Variants in PDE4D observed in about 807,000 individuals in gnomAD.
The protein encoded by PDE4D is phosphodiesterase 4D.
A neutral mutation model predicts 87.4 loss-of-function variants in PDE4D; 24 were observed. The ratio of observed to expected loss-of-function variants is 0.27; its 90% CI spans 0.20 to 0.39. The LOEUF is 0.39. PDE4D is among the 10% of genes least tolerant of loss of function. The probability of loss-of-function intolerance (pLI) is 1.00; values close to 1 mark genes in which losing one functional copy is unlikely to be tolerated. For synonymous variants in PDE4D, 384 were observed against 383.2 expected, an observed-to-expected ratio of 1.00 and a Z score of -0.02; for missense variants, 714 against 1,041.0, an observed-to-expected ratio of 0.69 and a Z score of 4.32.
At chr5:60,196,627 C>G (rs16877628) in intron 1 of PDE4D, among the ~76,000 whole-genome samples, 8,411 of 151,438 alleles carry the variant, frequency 0.056, 481 homozygotes, top group East Asian at 0.18. Context: ...GATGTGTCAT[C>G]ATCAGCTTGA....
chr5:60,235,613 A>G (rs2149639911), intron 1 of PDE4D, among the ~76,000 whole-genome samples: 1 of 151,904 alleles, frequency 6.6e-6, no homozygotes, highest in South Asian at 2.1e-4. Context: ...AAAAGACTCC[A>G]GGGGTCTCCT....
At chr5:59,045,956 C>CAT (rs1408975421) in intron 5 of PDE4D, among the ~76,000 whole-genome samples, 1 of 152,190 alleles carries the variant, frequency 6.6e-6, no homozygotes, top group Non-Finnish European at 1.5e-5. Flanking sequence ...CCTACGCAGA[C>CAT]ATATGTTCCC....
chr5:60,211,772 G>A (rs1000253026), intron 1 of PDE4D, among the ~76,000 whole-genome samples: 1 of 151,920 alleles, frequency 6.6e-6, no homozygotes, highest in Non-Finnish European at 1.5e-5. Flanking sequence ...CCTCATTTTC[G>A]TGGTTTATTT....
chr5:59,040,408 G>A (rs929959819), intron 5 of PDE4D, among the ~76,000 whole-genome samples: 1 of 152,214 alleles, frequency 6.6e-6, no homozygotes, highest in Non-Finnish European at 1.5e-5. Flanking sequence ...ATTTACGCAT[G>A]TCCTGCATAC....
At chr5:59,904,420 G>T (rs528495259) in intron 3 of PDE4D, among the ~76,000 whole-genome samples, 34 of 152,206 alleles carry the variant, frequency 2.2e-4, no homozygotes, top group African/African-American at 8.2e-4. Flanking sequence ...GCCATTTTAG[G>T]ATTAGCCATC....
intron 1 of PDE4D, among the ~76,000 whole-genome samples, chr5:59,609,789 C>T (rs1036680602): frequency 2.0e-5 from 3 of 152,132 alleles, no homozygotes; most frequent in African/African-American, 7.2e-5. Context: ...ATGAATAACC[C>T]GAACCTCAGC....
intron 1 of PDE4D, among the ~76,000 whole-genome samples, chr5:60,357,214 G>A (rs769998414): frequency 6.6e-6 from 1 of 151,426 alleles, no homozygotes; most frequent in South Asian, 2.1e-4. Context: ...CACAGGTTAG[G>A]TGAGGCCCCA....
intron 1 of PDE4D, among the ~76,000 whole-genome samples, chr5:60,232,249 C>T (rs1207400114): frequency 6.6e-6 from 1 of 151,904 alleles, no homozygotes; most frequent in East Asian, 1.9e-4. Context: ...TGCTTTAAAA[C>T]AGCAGCAGAT....
intron 1 of PDE4D, among the ~76,000 whole-genome samples, chr5:60,305,038 TACAC>T (rs35539982): frequency 0.017 from 2,345 of 135,880 alleles, 67 homozygotes; most frequent in East Asian, 0.14. Flanking sequence ...TTTTGAGCTA[TACAC>T]ACACACACAC....
chr5:58,980,107 A>C (rs973267005), intron 11 of PDE4D, among the ~76,000 whole-genome samples: 1 of 152,194 alleles, frequency 6.6e-6, no homozygotes, highest in Admixed American at 6.5e-5. Context: ...TTTTAAGGCT[A>C]TGTTCCATTC....
At position 60,094,930 on chromosome 5, in the gene PDE4D, C is replaced by T. The variant is rs139381502; in HGVS notation, c.42+90627G>A. On this transcript the variant is annotated intron_variant, in intron 2 of 16. Coordinates refer to the PDE4D transcript ENST00000502484. ...AATGATCACTCTTTATTTGTCTTCA[C>T]CCTCATGAAAGCAAAATGTACAAAT... is the stretch of plus-strand genomic sequence containing the variant. Among the ~76,000 whole-genome samples the T allele has an allele frequency of 2.1e-3, 318 of 152,048 alleles. 5 individuals carry two copies. The highest frequency in any genetic ancestry group is 5.8e-4 in the East Asian group (3 of 5,178).
At chr5:60,220,568 G>A (rs2149595392) in intron 1 of PDE4D, among the ~76,000 whole-genome samples, 1 of 152,190 alleles carries the variant, frequency 6.6e-6, no homozygotes, top group Middle Eastern at 3.4e-3. Flanking sequence ...CTATTGTGCA[G>A]CCAAGACTGA....
At chr5:60,146,432 A>T (rs1781007762) in intron 2 of PDE4D, among the ~76,000 whole-genome samples, 1 of 152,208 alleles carries the variant, frequency 6.6e-6, no homozygotes, top group African/African-American at 2.4e-5. Flanking sequence ...AGACCAAGCT[A>T]TTTACGCAAA....
chr5:59,727,478 G>A (rs1292521067), intron 1 of PDE4D, among the ~76,000 whole-genome samples: 1 of 152,048 alleles, frequency 6.6e-6, no homozygotes, highest in Non-Finnish European at 1.5e-5. Flanking sequence ...ATTGTAATGA[G>A]AACATCCAAT....
intron 1 of PDE4D, among the ~76,000 whole-genome samples, chr5:59,636,604 T>C (rs1292222421): frequency 6.6e-6 from 1 of 152,016 alleles, no homozygotes; most frequent in Non-Finnish European, 1.5e-5. Context: ...ACACCACACA[T>C]CTACAACCAT....
At chr5:60,082,616 G>C (rs769704478) in intron 2 of PDE4D, among the ~76,000 whole-genome samples, 9 of 152,000 alleles carry the variant, frequency 5.9e-5, no homozygotes, top group Non-Finnish European at 1.0e-4. Flanking sequence ...AAAGTTACAG[G>C]CATCATTTGT....
intron 1 of PDE4D, among the ~76,000 whole-genome samples, chr5:59,624,393 C>A (rs915742589): frequency 6.6e-6 from 1 of 152,138 alleles, no homozygotes; most frequent in Non-Finnish European, 1.5e-5. Flanking sequence ...GATCTTCTCC[C>A]GAATTTGTCA....
chr5:59,213,656 C>T (rs916143653), intron 2 of PDE4D, among the ~76,000 whole-genome samples: 2 of 152,114 alleles, frequency 1.3e-5, no homozygotes, highest in Non-Finnish European at 2.9e-5. Flanking sequence ...GAGATGCCTG[C>T]ATTTGCTCAC....
intron 1 of PDE4D, among the ~76,000 whole-genome samples, chr5:59,332,912 G>A (rs572764301): frequency 2.0e-5 from 3 of 152,252 alleles, no homozygotes; most frequent in East Asian, 3.9e-4. Context: ...AGAGGAACAG[G>A]CCAAGAAAAT....
Sources: gnomAD v4.1 joint callset for allele counts (sites outside exome capture counted in the v4.1 genomes callset) on GRCh38, gnomAD v4.1.1 for gene constraint, MANE v1.5 for transcripts, NCBI Gene and HGNC (gene_info 2026-07-23, HGNC 2026-07-21) for gene names.